KLRB1: variants seen among roughly 807,000 people sequenced by gnomAD.
KLRB1 encodes killer cell lectin like receptor B1, also known as killer cell lectin-like receptor subfamily B member 1.
KLRB1 carries 27 observed loss-of-function variants against 33.5 expected under a neutral mutation model. The observed-to-expected ratio is 0.81, with a 90% CI of 0.59 to 1.11. KLRB1 has a LOEUF of 1.11. Among genes scored for constraint, KLRB1 ranks in the 50% most tolerant of loss-of-function variants. KLRB1 has a pLI of 0.00. For missense variants in KLRB1, 241 were observed against 254.1 expected (o/e 0.95, Z 0.35); for synonymous variants, 64 against 88.9 (o/e 0.72, Z 1.58).
At position 9,607,808 on chromosome 12, in the gene KLRB1, T is replaced by G; in HGVS notation, c.32A>C (p.Asn11Thr). 6.2e-7 allele frequency: 1 copy of G among 1,613,686 alleles called. No homozygotes were observed. The highest frequency in any genetic ancestry group is 8.5e-7 in the Non-Finnish European group (1 of 1,179,676). Residue 11 changes from asparagine to threonine, a missense_variant, in exon 1 of 6, where the codon AAC (asparagine) becomes ACC (threonine). Physicochemically the swap from Asn to Thr is moderately conservative, Grantham distance 65 (BLOSUM62 0). Transcript: ENST00000229402. Reference sequence around the variant, plus strand: ...TTCTGGGCCTGAGTCTGTGGGTAAGTTTAACTCAGCATATATTGCTTGTTG... The same window carrying G: ...TTCTGGGCCTGAGTCTGTGGGTAAGGTTAACTCAGCATATATTGCTTGTTG... MDQQAIYAELNLPTDSGPESS... is the reference protein window; with the variant it reads MDQQAIYAELTLPTDSGPESS...
chr12:9,602,957 T>C (rs955896121), intron 1 of KLRB1, among the ~76,000 whole-genome samples: 1 of 152,176 alleles, frequency 6.6e-6, no homozygotes, highest in Admixed American at 6.5e-5. Flanking sequence ...CACACTGATA[T>C]AAGTGAATCA....
intron 1 of KLRB1, among the ~76,000 whole-genome samples, chr12:9,607,100 A>C (rs1864614198): frequency 6.6e-6 from 1 of 152,054 alleles, no homozygotes; most frequent in Non-Finnish European, 1.5e-5. Flanking sequence ...ATGCACTGGG[A>C]CTTAATCATA....
chr12:9,604,213 C>A (rs987526174), intron 1 of KLRB1, among the ~76,000 whole-genome samples: 1 of 151,960 alleles, frequency 6.6e-6, no homozygotes, highest in African/African-American at 2.4e-5. Context: ...GTCCGGCGGA[C>A]GTTAGCTATC....
At chr12:9,600,828 T>G (rs1418710391) in intron 2 of KLRB1, among the ~76,000 whole-genome samples, 6 of 151,464 alleles carry the variant, frequency 4.0e-5, no homozygotes, top group African/African-American at 1.5e-4. Context: ...TGTGATAGTC[T>G]GAAATATGGC....
chr12:9,599,692 A>C, intron 3 of KLRB1, 75 bp downstream of exon 3: 1 of 905,450 alleles, frequency 1.1e-6, no homozygotes, highest in Non-Finnish European at 1.9e-6. Flanking sequence ...ATTGTTATGA[A>C]TTGTGCCTAA....
intron 1 of KLRB1, among the ~76,000 whole-genome samples, chr12:9,606,754 A>ATTTTTTTTTTT (rs1414913660): frequency 1.2e-4 from 3 of 25,414 alleles, no homozygotes; most frequent in Non-Finnish European, 2.2e-4. Context: ...ATATATATAT[A>ATTTTTTTTTTT]TATATATTTT....
intron 1 of KLRB1, among the ~76,000 whole-genome samples, chr12:9,604,505 C>T (rs1864578713): frequency 6.6e-6 from 1 of 152,196 alleles, no homozygotes; most frequent in Non-Finnish European, 1.5e-5. Context: ...ATTTTGCCCT[C>T]ACCCCATCTG....
At chr12:9,603,174 A>C (rs746064920) in intron 1 of KLRB1, among the ~76,000 whole-genome samples, 1 of 152,304 alleles carries the variant, frequency 6.6e-6, no homozygotes, top group Non-Finnish European at 1.5e-5. Flanking sequence ...ATATATCTGA[A>C]TGTGAGGAAA....
intron 1 of KLRB1, among the ~76,000 whole-genome samples, chr12:9,607,340 CTTTCTTTCTTTCTTCCTTT>C (rs1864623488): frequency 4.2e-4 from 20 of 48,034 alleles, no homozygotes; most frequent in African/African-American, 1.0e-3. Context: ...TCTTTCCTTT[CTTTCTTTCTTTCTTCCTTT>C]CTTTCTTTCT....
intron 1 of KLRB1, among the ~76,000 whole-genome samples, chr12:9,607,332 T>TTTCCTTCCTGCCTGCCTGCC: frequency 1.7e-5 from 1 of 58,620 alleles, no homozygotes; most frequent in Non-Finnish European, 4.0e-5. Flanking sequence ...TTTCTCTTTC[T>TTTCCTTCCTGCCTGCCTGCC]TTCCTTTCTT....
intron 1 of KLRB1, among the ~76,000 whole-genome samples, chr12:9,607,415 T>TTTTG (rs143585761): frequency 0.073 from 7,088 of 97,590 alleles, 519 homozygotes; most frequent in South Asian, 0.11. Context: ...TTTTCTTTCT[T>TTTTG]TCTTTCTTTC....
chr12:9,603,720 GCCACCGCAC>G lies in KLRB1; in HGVS notation c.86-2130_86-2122del, dbSNP rs563754425. Among the ~76,000 whole-genome samples the G allele has an allele frequency of 3.0e-3, 451 of 151,744 alleles. 1 individual carries two copies. Among genetic ancestry groups the G allele is most frequent in the Non-Finnish European group, 4.3e-3 (294 of 67,954 alleles). On this transcript the variant is annotated intron_variant, in intron 1 of 5. Transcript: ENST00000229402. ...CAAAGTGCTGGGATTACATACGTGA[GCCACCGCAC>G]CCAGCCTAATTCTATTACTAACATG...
chr12:9,605,535 T>G (rs7136322), intron 1 of KLRB1, among the ~76,000 whole-genome samples: 2 of 152,264 alleles, frequency 1.3e-5, no homozygotes, highest in Admixed American at 1.3e-4. Context: ...TATTTTTTAA[T>G]GAATGAATAA....
chr12:9,607,335 C>CCTTTCTTTCTTCCTTTCTTTCTTT (rs1864622244), intron 1 of KLRB1, among the ~76,000 whole-genome samples: 16 of 65,270 alleles, frequency 2.5e-4, no homozygotes, highest in African/African-American at 6.7e-4. Flanking sequence ...CTCTTTCTTT[C>CCTTTCTTTCTTCCTTTCTTTCTTT]CTTTCTTTCT....
chr12:9,599,182 G>T (rs1043398454), intron 3 of KLRB1, among the ~76,000 whole-genome samples: 4 of 152,130 alleles, frequency 2.6e-5, no homozygotes, highest in Non-Finnish European at 5.9e-5. Context: ...ATTGCTAAAC[G>T]ATGTATTTAC....
intron 1 of KLRB1, among the ~76,000 whole-genome samples, chr12:9,607,400 C>CTTTCTTTCTTTCT (rs1555097857): frequency 1.4e-5 from 1 of 72,970 alleles, no homozygotes; most frequent in African/African-American, 4.0e-5. Flanking sequence ...TTCTTTCTTT[C>CTTTCTTTCTTTCT]TTTCTTTTCT....
rs1262958675 is a variant in KLRB1 at position 9,595,262 on chromosome 12, T to C, written c.*12A>G. The C allele has an allele frequency of 6.2e-7, 1 of 1,611,618 alleles. No individual in the cohort carries two copies. Among genetic ancestry groups the C allele is most frequent in the Non-Finnish European group, 8.5e-7 (1 of 1,178,040 alleles). On this transcript the variant is annotated 3_prime_UTR_variant, in exon 6 of 6. Transcript: ENST00000229402. ...GTAATGGGAAGCAAATAAATTGAGA[T>C]GGGATTCATAGTCAAGAGTCAGGAT... is the stretch of plus-strand genomic sequence containing the variant.
intron 1 of KLRB1, among the ~76,000 whole-genome samples, chr12:9,607,335 C>CCTTCCTTCCTGCCTTCCTTCCTTTCTTT (rs1864621978): frequency 9.2e-5 from 6 of 65,266 alleles, no homozygotes; most frequent in Non-Finnish European, 1.8e-4. Flanking sequence ...CTCTTTCTTT[C>CCTTCCTTCCTGCCTTCCTTCCTTTCTTT]CTTTCTTTCT....
chr12:9,605,785 G>T (rs1864593184), intron 1 of KLRB1, among the ~76,000 whole-genome samples: 1 of 152,098 alleles, frequency 6.6e-6, no homozygotes, highest in Non-Finnish European at 1.5e-5. Flanking sequence ...CACATATTTT[G>T]CTCTGGCTTT....
Sources: gnomAD v4.1 joint callset for allele counts (sites outside exome capture counted in the v4.1 genomes callset) on GRCh38, gnomAD v4.1.1 for gene constraint, MANE v1.5 for transcripts, NCBI Gene and HGNC (gene_info 2026-07-23, HGNC 2026-07-21) for gene names.